GPR39: variants seen among roughly 807,000 people sequenced by gnomAD.
GPR39 encodes the protein G protein-coupled receptor 39.
In GPR39, 23 loss-of-function variants were observed where a neutral mutation model predicts 18.4. The ratio of observed to expected loss-of-function variants is 1.25; its 90% CI spans 0.90 to 1.77. The LOEUF (loss-of-function observed/expected upper bound fraction) is 1.77. Among genes scored for constraint, GPR39 ranks in the 40% most tolerant of loss-of-function variants. The pLI, the probability that GPR39 is intolerant of heterozygous loss-of-function variation, is 0.00. For synonymous variants in GPR39, 280 were observed against 257.9 expected, an observed-to-expected ratio of 1.09 and a Z score of -0.82; for missense variants, 647 against 602.4, an observed-to-expected ratio of 1.07 and a Z score of -0.78.
chr2:132,607,754 G>A (rs187178777), intron 1 of GPR39, among the ~76,000 whole-genome samples: 47 of 152,134 alleles, frequency 3.1e-4, no homozygotes, highest in Non-Finnish European at 5.0e-4. Context: ...CAATAAAATG[G>A]CTGTAAGCTG....
At chr2:132,601,124 G>A (rs1681035790) in intron 1 of GPR39, among the ~76,000 whole-genome samples, 1 of 152,078 alleles carries the variant, frequency 6.6e-6, no homozygotes, top group Admixed American at 6.6e-5. Context: ...TTGATTTTAT[G>A]AGGCCAGGAT....
chr2:132,639,164 A>G (rs1032222200), intron 1 of GPR39, among the ~76,000 whole-genome samples: 3 of 152,076 alleles, frequency 2.0e-5, no homozygotes, highest in African/African-American at 7.2e-5. Flanking sequence ...GCTTTGTATC[A>G]TCAGTCCCTA....
At chr2:132,564,204 G>A (rs968800449) in intron 1 of GPR39, among the ~76,000 whole-genome samples, 1 of 152,140 alleles carries the variant, frequency 6.6e-6, no homozygotes. Flanking sequence ...AGCGCTGGAG[G>A]AAATGTAATA....
At chr2:132,585,960 T>TTTG (rs1680721485) in intron 1 of GPR39, among the ~76,000 whole-genome samples, 3 of 142,084 alleles carry the variant, frequency 2.1e-5, no homozygotes, top group Non-Finnish European at 4.6e-5. Flanking sequence ...TTTTTTTTTT[T>TTTG]TTTTTTTTTT....
chr2:132,447,027 G>A (rs1472128312), intron 1 of GPR39, among the ~76,000 whole-genome samples: 1 of 152,202 alleles, frequency 6.6e-6, no homozygotes, highest in Non-Finnish European at 1.5e-5. Flanking sequence ...AACGGGCAAA[G>A]CAATGCCCCA....
rs372214179 is a variant in GPR39, at chr2:132,625,051, A to G, written c.857-20050A>G. On this transcript the variant is annotated intron_variant, in intron 1 of 1. Transcript: ENST00000329321. ...AATTTACAACCCACGCTGGCAGTGT[A>G]CGGGAGTTCTAGGTGCTCCAATTTT... 2.3e-4 allele frequency among the ~76,000 whole-genome samples: 35 copies of G among 151,246 alleles called. No homozygotes were observed. In the East Asian group the frequency reaches 3.5e-3, roughly 15 times the overall value.
At chr2:132,467,614 A>G (rs970294498) in intron 1 of GPR39, among the ~76,000 whole-genome samples, 1 of 152,240 alleles carries the variant, frequency 6.6e-6, no homozygotes, top group Non-Finnish European at 1.5e-5. Flanking sequence ...ATGAATGAAA[A>G]TGAAAAAATG....
chr2:132,575,555 C>A (rs554689261), intron 1 of GPR39, among the ~76,000 whole-genome samples: 1 of 152,172 alleles, frequency 6.6e-6, no homozygotes, highest in Non-Finnish European at 1.5e-5. Context: ...TGTACCATAT[C>A]GCATTCCCAC....
At chr2:132,534,734 C>A (rs1435379463) in intron 1 of GPR39, among the ~76,000 whole-genome samples, 1 of 151,504 alleles carries the variant, frequency 6.6e-6, no homozygotes, top group East Asian at 2.0e-4. Context: ...CAAACTATCG[C>A]AAGGACAAAA....
intron 1 of GPR39, among the ~76,000 whole-genome samples, chr2:132,492,691 CAT>C (rs201026341): frequency 0.052 from 6,956 of 132,534 alleles, 762 homozygotes; most frequent in African/African-American, 0.2. Flanking sequence ...ATATACACAC[CAT>C]ATATATATAA....
intron 1 of GPR39, among the ~76,000 whole-genome samples, chr2:132,496,169 C>T (rs1681638426): frequency 6.6e-6 from 1 of 152,132 alleles, no homozygotes; most frequent in Admixed American, 6.5e-5. Context: ...TATGAAAGTG[C>T]AGATGGTGTA....
At chr2:132,631,509 A>G (rs1681649279) in intron 1 of GPR39, among the ~76,000 whole-genome samples, 1 of 152,168 alleles carries the variant, frequency 6.6e-6, no homozygotes, top group Non-Finnish European at 1.5e-5. Context: ...TGAGAGCTTT[A>G]CTGATTTCTG....
intron 1 of GPR39, among the ~76,000 whole-genome samples, chr2:132,608,497 A>G (rs1010251284): frequency 3.3e-5 from 5 of 152,140 alleles, no homozygotes. Flanking sequence ...GGCTCTAGAA[A>G]ATCTTGTCAT....
At chr2:132,524,414 C>T (rs987815670) in intron 1 of GPR39, among the ~76,000 whole-genome samples, 2 of 152,202 alleles carry the variant, frequency 1.3e-5, no homozygotes, top group African/African-American at 4.8e-5. Flanking sequence ...TGACATTGCT[C>T]TGCAGAGAGT....
intron 1 of GPR39, among the ~76,000 whole-genome samples, chr2:132,593,782 A>T (rs1680888905): frequency 6.6e-6 from 1 of 152,144 alleles, no homozygotes; most frequent in Non-Finnish European, 1.5e-5. Flanking sequence ...GAAAACTTCA[A>T]GAAAGAGATG....
intron 1 of GPR39, among the ~76,000 whole-genome samples, chr2:132,496,824 C>T (rs1220801591): frequency 6.6e-6 from 1 of 152,194 alleles, no homozygotes; most frequent in Non-Finnish European, 1.5e-5. Flanking sequence ...CATTAGCAGC[C>T]TTGATGCATC....
chr2:132,481,784 C>A (rs1681240736), intron 1 of GPR39, among the ~76,000 whole-genome samples: 1 of 152,154 alleles, frequency 6.6e-6, no homozygotes, highest in Non-Finnish European at 1.5e-5. Flanking sequence ...ATCTTGGAGG[C>A]AGTTCCTTAA....
intron 1 of GPR39, among the ~76,000 whole-genome samples, chr2:132,524,538 C>T (rs1259758446): frequency 1.3e-5 from 2 of 152,194 alleles, no homozygotes; most frequent in African/African-American, 4.8e-5. Flanking sequence ...CTCTCATTTT[C>T]TCTATTGAGT....
At chr2:132,548,351 T>C (rs1467906828) in intron 1 of GPR39, among the ~76,000 whole-genome samples, 1 of 152,208 alleles carries the variant, frequency 6.6e-6, no homozygotes, top group Non-Finnish European at 1.5e-5. Flanking sequence ...AATATTTTGA[T>C]GGGAAACTAA....
Sources: gnomAD v4.1 joint callset for allele counts (sites outside exome capture counted in the v4.1 genomes callset) on GRCh38, gnomAD v4.1.1 for gene constraint, MANE v1.5 for transcripts, NCBI Gene and HGNC (gene_info 2026-07-23, HGNC 2026-07-21) for gene names.